MAP7D1: variants seen among roughly 807,000 people sequenced by gnomAD.
The protein encoded by MAP7D1 is MAP7 domain containing 1, also known as MAP7 domain-containing protein 1.
A neutral mutation model predicts 97.5 loss-of-function variants in MAP7D1; 30 were observed. The ratio of observed to expected loss-of-function variants is 0.31; its 90% CI spans 0.23 to 0.42. MAP7D1 has a LOEUF of 0.42. MAP7D1 is among the 10% of genes least tolerant of loss of function. The probability of loss-of-function intolerance (pLI) is 1.00; values close to 1 mark genes in which losing one functional copy is unlikely to be tolerated. For synonymous variants in MAP7D1, 536 were observed against 477.1 expected (o/e 1.12, Z -1.61); for missense variants, 1,184 against 1,179.5 (o/e 1.00, Z -0.06).
Position 36,161,873 on chromosome 1 carries a change from G to A in MAP7D1, c.46+5410G>A, listed in dbSNP as rs1644414943. ...GTCTGTTTCCTCTGCATGTGTGTGTGTGTATGTGTGTGTGTGTGTGTGTGT... is the reference window on the plus strand; with the variant it reads ...GTCTGTTTCCTCTGCATGTGTGTGTATGTATGTGTGTGTGTGTGTGTGTGT... On this transcript the variant is annotated intron_variant, in intron 1 of 16. Coordinates refer to ENST00000474796, the MANE Select transcript of MAP7D1 (RefSeq NM_001388490.1). 3.1e-5 allele frequency among the ~76,000 whole-genome samples: 4 copies of A among 130,514 alleles called. 1 individual carries two copies. In the South Asian group the frequency reaches 7.4e-4, roughly 24 times the overall value. The allele number at this position is 130,514 out of a possible 152,430, so 85.6% of individuals were successfully genotyped here.
Position 36,156,452 on chromosome 1 carries a change from G to C in MAP7D1, c.35G>C (p.Gly12Ala). ...GGCCCGCGTGCGGAGCTGGGGGCGG[G>C]CGCACCCCCAGGTATGCCGGGAGCC... Reference protein sequence around the residue: ...ESGPRAELGAGAPPAVVARTP... With the variant: ...ESGPRAELGAAAPPAVVARTP... Residue 12 changes from glycine to alanine, a missense_variant, in exon 1 of 17, where the codon GGC becomes GCC. Physicochemically the swap from Gly to Ala is moderately conservative, Grantham distance 60. Coordinates refer to ENST00000474796, the MANE Select transcript of MAP7D1 (RefSeq NM_001388490.1). 4.1e-6 allele frequency: 6 copies of C among 1,472,250 alleles called. No homozygotes were observed. The highest frequency in any genetic ancestry group is 5.4e-6 in the Non-Finnish European group (6 of 1,119,254). The allele number at this position is 1,472,250 out of a possible 1,614,324, so 91.2% of individuals were successfully genotyped here.
intron 8 of MAP7D1, chr1:36,177,577 A>C: frequency 1.5e-6 from 1 of 668,802 alleles, no homozygotes. Flanking sequence ...CCTGTCAGGT[A>C]GCACTCAGGG....
At position 36,157,877 on chromosome 1, in the gene MAP7D1, G is replaced by A. The variant is rs146220682; in HGVS notation, c.46+1414G>A. On this transcript the variant is annotated intron_variant, in intron 1 of 16. Transcript: ENST00000474796. The stretch of plus-strand genomic sequence containing the variant: ...GTGGGTTTCAGGAGGCTTGTAGGCT[G>A]GGCTGGAAACAAGGGTGGCTGGGTC... Among the ~76,000 whole-genome samples the A allele has an allele frequency of 2.9e-3, 444 of 152,240 alleles. 11 individuals carry two copies. In the East Asian group the frequency reaches 0.057, roughly 20 times the overall value.
At chr1:36,170,619 T>C (rs996798798) in intron 1 of MAP7D1, among the ~76,000 whole-genome samples, 5 of 152,256 alleles carry the variant, frequency 3.3e-5, no homozygotes, top group African/African-American at 9.6e-5. Flanking sequence ...CTTGCTTTGC[T>C]GACTCCAGCT....
At chr1:36,173,292 A>G (rs991628151) in intron 4 of MAP7D1, 72 bp from the exon 5 acceptor site, 2 of 1,136,584 alleles carry the variant, frequency 1.8e-6, no homozygotes, top group Admixed American at 2.0e-5. Flanking sequence ...CACAGGAGGA[A>G]GAAGGGCCTC....
At chr1:36,168,225 G>A (rs1032843318) in intron 1 of MAP7D1, among the ~76,000 whole-genome samples, 11 of 151,340 alleles carry the variant, frequency 7.3e-5, no homozygotes, top group African/African-American at 2.4e-4. Context: ...AACCTGGGAG[G>A]CAGAGGTTGC....
Position 36,176,249 on chromosome 1 carries a change from A to C in MAP7D1, c.901A>C (p.Met301Leu). Residue 301 changes from methionine (M) to leucine (L), a missense_variant, in exon 7 of 17, where the codon ATG becomes CTG. Transcript: ENST00000474796. The surrounding 1 kb of genome is among the most constrained non-coding windows in gnomAD (Gnocchi z 6.1). ...AWESSIVDRL[M>L]TPTLSFLARS... ...GGAGAGCAGCATCGTGGATCGTCTGATGACGCCCACTCTCTCCTTCCTTGC... is the reference window on the plus strand; with the variant it reads ...GGAGAGCAGCATCGTGGATCGTCTGCTGACGCCCACTCTCTCCTTCCTTGC... The C allele has an allele frequency of 6.2e-7, 1 of 1,608,400 alleles. No individual in the cohort carries two copies. Among genetic ancestry groups the C allele is most frequent in the Non-Finnish European group, 8.5e-7 (1 of 1,179,160 alleles).
At chr1:36,161,879 G>C (rs908496206) in intron 1 of MAP7D1, among the ~76,000 whole-genome samples, 1 of 21,204 alleles carries the variant, frequency 4.7e-5, no homozygotes, top group Non-Finnish European at 3.0e-4. Flanking sequence ...GTGTGTGTAT[G>C]TGTGTGTGTG....
In MAP7D1 at chr1:36,168,450, G is replaced by A. The variant is rs538966428; in HGVS notation, c.47-2521G>A. 3.3e-5 allele frequency among the ~76,000 whole-genome samples: 5 copies of A among 152,338 alleles called. No homozygotes were observed. The East Asian group carries it at 9.6e-4, about 29-fold the overall frequency. ...GAGGACACAGGGTGCACCACTGTTA[G>A]TGAGTAGTAAGCACTCACTAGAGTG... On this transcript the variant is annotated intron_variant, in intron 1 of 16. Transcript: ENST00000474796.
In MAP7D1 at chr1:36,176,422, G is replaced by T; in HGVS notation, c.1074G>T (p.Val358=). 1 of 1,530,470 alleles carries T rather than the reference G, an allele frequency of 6.5e-7. No individual in the cohort carries two copies. Among genetic ancestry groups the T allele is most frequent in the Non-Finnish European group, 8.7e-7 (1 of 1,147,770 alleles). The allele number at this position is 1,530,470 out of a possible 1,614,324, so 94.8% of individuals were successfully genotyped here. Residue 358 remains valine (V), a synonymous_variant, in exon 7 of 17, where the codon GTG becomes GTT. Transcript: ENST00000474796. The surrounding 1 kb of genome is among the most constrained non-coding windows in gnomAD (Gnocchi z 6.1). ...QPDRTHPSAA[V]PVCPRSASAS... is the part of the protein sequence containing the mutation. The stretch of plus-strand genomic sequence containing the variant: ...ACCGCACTCATCCCTCTGCAGCCGT[G>T]CCGGTGTGCCCGCGCTCGGCCTCCG...
intron 1 of MAP7D1, among the ~76,000 whole-genome samples, chr1:36,162,710 T>C (rs1231383984): frequency 2.0e-5 from 3 of 152,212 alleles, no homozygotes; most frequent in Non-Finnish European, 2.9e-5. Context: ...ATGCAGGTTC[T>C]GAGATGAACA....
chr1:36,179,597 T>C (rs1224371945), intron 14 of MAP7D1, 40 bp downstream of exon 14: 1 of 1,542,674 alleles, frequency 6.5e-7, no homozygotes, highest in African/African-American at 1.4e-5. Flanking sequence ...CCCTTTGCCA[T>C]CCTCCTCCTC....
intron 1 of MAP7D1, among the ~76,000 whole-genome samples, chr1:36,170,209 G>A (rs547809465): frequency 5.3e-5 from 8 of 152,292 alleles, no homozygotes; most frequent in Admixed American, 2.6e-4. Context: ...ATGTCAAATC[G>A]TGTGGCTCCC....
At chr1:36,175,137 C>G in intron 6 of MAP7D1, 129 bp downstream of exon 6, 2 of 670,096 alleles carry the variant, frequency 3.0e-6, no homozygotes, top group East Asian at 5.4e-5. Context: ...CCCACTCTAC[C>G]TTACCCAGGG....
At chr1:36,156,523 G>C in intron 1 of MAP7D1, 60 bp downstream of exon 1, 1 of 1,317,814 alleles carries the variant, frequency 7.6e-7, no homozygotes, top group South Asian at 1.8e-5. Context: ...CAGGGCGGCC[G>C]AGGATGAGGC....
At chr1:36,180,116 C>A (rs767611010) in intron 16 of MAP7D1, 49 bp downstream of exon 16, 17 of 1,611,144 alleles carry the variant, frequency 1.1e-5, no homozygotes, top group Non-Finnish European at 1.4e-5. Flanking sequence ...CAGCAGCCTT[C>A]CCTGTACTCC....
chr1:36,160,838 T>C (rs971850688), intron 1 of MAP7D1, among the ~76,000 whole-genome samples: 1 of 152,218 alleles, frequency 6.6e-6, no homozygotes, highest in African/African-American at 2.4e-5. Flanking sequence ...CTGGGAAGCC[T>C]GCCAGGTTGG....
chr1:36,174,477 T>G (rs35762984), intron 5 of MAP7D1, among the ~76,000 whole-genome samples: 276 of 152,306 alleles, frequency 1.8e-3, no homozygotes, highest in Admixed American at 5.4e-3. Flanking sequence ...TGACTGTGAC[T>G]GTGTAGGTCC....
rs1459850535 is a variant in MAP7D1, at chr1:36,179,032, G to A, written c.2130+7G>A. On this transcript the variant is annotated splice_region_variant and intron_variant, in intron 12 of 16. Coordinates refer to ENST00000474796, the MANE Select transcript of MAP7D1 (RefSeq NM_001388490.1). The stretch of plus-strand genomic sequence containing the variant: ...GCGGCAAGAGCGCAGAAAGGTGTGC[G>A]GACCTGGGCGGGGATTTGTGGGCGG... 9.7e-6 allele frequency: 15 copies of A among 1,549,478 alleles called. No homozygotes were observed. Among genetic ancestry groups the A allele is most frequent in the South Asian group, 2.4e-5 (2 of 84,026 alleles).
Sources: allele counts gnomAD v4.1 joint callset (sites outside exome capture counted in the v4.1 genomes callset), GRCh38; gene constraint gnomAD v4.1.1; non-coding constraint Gnocchi (gnomAD v3.1); transcripts MANE v1.5; gene names NCBI Gene and HGNC (gene_info 2026-07-23, HGNC 2026-07-21).